INPP5A: variants seen among roughly 807,000 people sequenced by gnomAD.
INPP5A encodes the protein inositol polyphosphate-5-phosphatase A.
In INPP5A, 14 loss-of-function variants were observed where a neutral mutation model predicts 65.2. That is an observed-to-expected ratio of 0.21 (90% CI 0.14 to 0.34). INPP5A has a LOEUF of 0.34. Among genes scored for constraint, INPP5A ranks in the 10% least tolerant of loss-of-function variants. INPP5A has a pLI of 1.00. For missense variants in INPP5A, 431 were observed against 545.6 expected, an observed-to-expected ratio of 0.79 and a Z score of 2.09; for synonymous variants, 207 against 208.3, an observed-to-expected ratio of 0.99 and a Z score of 0.05.
chr10:132,612,057 T>G (rs1366642645), intron 2 of INPP5A, among the ~76,000 whole-genome samples: 121 of 54,708 alleles, frequency 2.2e-3, no homozygotes, highest in African/African-American at 2.5e-3. Context: ...GGAGGTGAGG[T>G]GGGCAGGGGA....
chr10:132,703,983 T>TCACCCA (rs1474132520), intron 6 of INPP5A, among the ~76,000 whole-genome samples: 1 of 80,524 alleles, frequency 1.2e-5, no homozygotes, highest in Admixed American at 1.7e-4. Flanking sequence ...CACGCAAGCT[T>TCACCCA]CACCCACACA....
At chr10:132,582,676 C>T (rs936905132) in intron 1 of INPP5A, among the ~76,000 whole-genome samples, 4 of 152,236 alleles carry the variant, frequency 2.6e-5, no homozygotes, top group South Asian at 4.1e-4. Flanking sequence ...CTGCATCGAA[C>T]TCCCAAAGTG....
intron 4 of INPP5A, among the ~76,000 whole-genome samples, chr10:132,667,293 G>T (rs2072817619): frequency 6.6e-6 from 1 of 152,108 alleles, no homozygotes; most frequent in African/African-American, 2.4e-5. Flanking sequence ...TATTTAAAGG[G>T]GCTTCAAAAG....
chr10:132,608,467 T>C (rs1564932865), intron 2 of INPP5A, among the ~76,000 whole-genome samples: 1 of 152,242 alleles, frequency 6.6e-6, no homozygotes, highest in Non-Finnish European at 1.5e-5. Context: ...AGCCCGGTAC[T>C]GTGCTGTGCT....
At chr10:132,668,878 C>T (rs887952169) in intron 4 of INPP5A, among the ~76,000 whole-genome samples, 10 of 152,218 alleles carry the variant, frequency 6.6e-5, no homozygotes, top group South Asian at 2.1e-4. Context: ...GTTTATTGAG[C>T]GTGTACTGCT....
At chr10:132,595,683 T>A (rs1285453719) in intron 1 of INPP5A, among the ~76,000 whole-genome samples, 1 of 152,236 alleles carries the variant, frequency 6.6e-6, no homozygotes, top group Non-Finnish European at 1.5e-5. Context: ...TTGTTTTTGA[T>A]TCCTCCCTCT....
In INPP5A at chr10:132,659,572, T is replaced by C. The variant is rs1261394238; in HGVS notation, c.306+9067T>C. Among the ~76,000 whole-genome samples the C allele has an allele frequency of 6.6e-6, 1 of 152,226 alleles. No individual in the cohort carries two copies. Among genetic ancestry groups the C allele is most frequent in the Non-Finnish European group, 1.5e-5 (1 of 68,036 alleles). Reference sequence around the variant, plus strand: ...CCCATGGCAGTCCATTCATTCAACATGCCCTGGTCCAGCTGCTGCACAGCC... The same window carrying C: ...CCCATGGCAGTCCATTCATTCAACACGCCCTGGTCCAGCTGCTGCACAGCC... On this transcript the variant is annotated intron_variant, in intron 4 of 15. Transcript: ENST00000368594. The surrounding 1 kb of genome is among the most constrained non-coding windows in gnomAD (Gnocchi z 5.5).
At position 132,674,397 on chromosome 10, in the gene INPP5A, G is replaced by A. The variant is rs1458938035; in HGVS notation, c.307-15995G>A. ...GATTTCCCTTCACCGCTGTCCTTCA[G>A]GAATGTCCTAGAAAGGGGCTGTCAT... On this transcript the variant is annotated intron_variant, in intron 4 of 15. Transcript: ENST00000368594. This position sits in a 1 kb window ranked among gnomAD's most constrained non-coding sequence, Gnocchi z 4.4. Among the ~76,000 whole-genome samples the A allele has an allele frequency of 1.3e-5, 2 of 152,224 alleles. No individual in the cohort carries two copies. The highest frequency in any genetic ancestry group is 4.8e-5 in the African/African-American group (2 of 41,460).
chr10:132,591,441 C>T lies in INPP5A; in HGVS notation c.76-16474C>T, dbSNP rs181830750. 1.6e-3 allele frequency among the ~76,000 whole-genome samples: 242 copies of T among 152,294 alleles called. 1 individual carries two copies. The highest frequency in any genetic ancestry group is 5.4e-3 in the African/African-American group (226 of 41,552). Reference sequence around the variant, plus strand: ...GAGAGGACTGACAGCTCTATGGCGCCGAGTCATGGTCCCTGGAAACAAGAG... The same window carrying T: ...GAGAGGACTGACAGCTCTATGGCGCTGAGTCATGGTCCCTGGAAACAAGAG... On this transcript the variant is annotated intron_variant, in intron 1 of 15. Coordinates refer to ENST00000368594, the MANE Select transcript of INPP5A (RefSeq NM_005539.5).
At chr10:132,560,356 C>T (rs1590829234) in intron 1 of INPP5A, among the ~76,000 whole-genome samples, 1 of 152,206 alleles carries the variant, frequency 6.6e-6, no homozygotes, top group East Asian at 1.9e-4. Flanking sequence ...CTTTCCACAG[C>T]AGCTGCAGCA....
In INPP5A at chr10:132,678,777, T is replaced by G. The variant is rs550881247; in HGVS notation, c.307-11615T>G. On this transcript the variant is annotated intron_variant, in intron 4 of 15. Transcript: ENST00000368594. The surrounding 1 kb of genome is among the most constrained non-coding windows in gnomAD (Gnocchi z 4.1). ...ATATGCAGCACCTTGAAGGAAAGGC[T>G]GGGGACTGGGACTGCCAAGCCTCTG... Among the ~76,000 whole-genome samples, 1 of 152,296 alleles carries G rather than the reference T, an allele frequency of 6.6e-6. No individual in the cohort carries two copies. Among genetic ancestry groups the G allele is most frequent in the Non-Finnish European group, 1.5e-5 (1 of 68,022 alleles).
intron 2 of INPP5A, among the ~76,000 whole-genome samples, chr10:132,640,608 C>T (rs1021772538): frequency 6.6e-6 from 1 of 152,268 alleles, no homozygotes; most frequent in African/African-American, 2.4e-5. Flanking sequence ...CTCTCTTTAC[C>T]TCTCAGCCTC....
intron 4 of INPP5A, among the ~76,000 whole-genome samples, chr10:132,682,029 G>T (rs1288812551): frequency 6.6e-6 from 1 of 152,260 alleles, no homozygotes; most frequent in Admixed American, 6.5e-5. Context: ...GTTGCCAGGG[G>T]CTGGGGAGAG....
chr10:132,576,621 C>G (rs2071414511), intron 1 of INPP5A, among the ~76,000 whole-genome samples: 1 of 152,248 alleles, frequency 6.6e-6, no homozygotes, highest in Admixed American at 6.5e-5. Context: ...AACCAGCTAA[C>G]AGGATGCAAA....
At position 132,629,670 on chromosome 10, in the gene INPP5A, C is replaced by T. The variant is rs533925229; in HGVS notation, c.118-16198C>T. On this transcript the variant is annotated intron_variant, in intron 2 of 15. Coordinates refer to ENST00000368594, the MANE Select transcript of INPP5A (RefSeq NM_005539.5). ...GCATTGTGCGGACAGCCCTGTGCTG[C>T]GGCAGTTCTCCACATGCATTCCACA... Among the ~76,000 whole-genome samples the T allele has an allele frequency of 5.9e-5, 9 of 152,328 alleles. No individual in the cohort carries two copies. In the South Asian group the frequency reaches 6.2e-4, roughly 11 times the overall value.
intron 13 of INPP5A, among the ~76,000 whole-genome samples, chr10:132,778,347 A>G (rs1426311704): frequency 3.8e-5 from 4 of 104,878 alleles, no homozygotes; most frequent in Admixed American, 2.8e-4. Context: ...AAGAGGTGAT[A>G]GGGGCTTGCT....
intron 9 of INPP5A, among the ~76,000 whole-genome samples, chr10:132,735,356 T>C (rs1276098919): frequency 2.6e-5 from 4 of 152,218 alleles, no homozygotes; most frequent in Non-Finnish European, 5.9e-5. Flanking sequence ...AGTGACACAG[T>C]CGTGCATAGC....
chr10:132,594,885 T>A (rs985968030), intron 1 of INPP5A, among the ~76,000 whole-genome samples: 1 of 152,214 alleles, frequency 6.6e-6, no homozygotes, highest in African/African-American at 2.4e-5. Context: ...CCTTTGTTAT[T>A]GCTCTTAGTG....
In INPP5A at chr10:132,704,310, G is replaced by A. The variant is rs977954437; in HGVS notation, c.475-4003G>A. ...ACTGTAGATTTGTCACCAGTCACAC[G>A]TCCAGCCTTCTCCCATGACAGCCCC... On this transcript the variant is annotated intron_variant, in intron 6 of 15. Transcript: ENST00000368594. This position sits in a 1 kb window ranked among gnomAD's most constrained non-coding sequence, Gnocchi z 4.5. 5.3e-5 allele frequency among the ~76,000 whole-genome samples: 8 copies of A among 152,204 alleles called. No homozygotes were observed. Among genetic ancestry groups the A allele is most frequent in the African/African-American group, 4.8e-5 (2 of 41,452 alleles).
Sources: gnomAD v4.1 joint callset for allele counts (sites outside exome capture counted in the v4.1 genomes callset) on GRCh38, gnomAD v4.1.1 for gene constraint, Gnocchi (gnomAD v3.1) non-coding constraint, MANE v1.5 for transcripts, NCBI Gene and HGNC (gene_info 2026-07-23, HGNC 2026-07-21) for gene names.